The following MME variants were observed in gnomAD, a reference collection of about 807,000 sequenced individuals.
MME encodes membrane metalloendopeptidase, also known as neprilysin.
MME carries 98 observed loss-of-function variants against 113.2 expected under a neutral mutation model. That is an observed-to-expected ratio of 0.87 (90% CI 0.74 to 1.02). The LOEUF (loss-of-function observed/expected upper bound fraction) is 1.02. MME is among the 50% of genes least tolerant of loss of function. The pLI is 0.00. For missense variants in MME, 836 were observed against 896.0 expected, an observed-to-expected ratio of 0.93 and a Z score of 0.86; for synonymous variants, 292 against 300.6, an observed-to-expected ratio of 0.97 and a Z score of 0.30.
chr3:155,085,381 T>C (rs879483396), intron 3 of MME: 10 of 239,400 alleles, frequency 4.2e-5, no homozygotes, highest in Non-Finnish European at 7.2e-5. Context: ...AGAAAGAAAA[T>C]GAACACATAT....
At chr3:155,087,591 G>A (rs537494112) in intron 3 of MME, among the ~76,000 whole-genome samples, 4 of 152,034 alleles carry the variant, frequency 2.6e-5, no homozygotes, top group East Asian at 1.9e-4. Flanking sequence ...GTCCTGTTTC[G>A]GGAAACTTCC....
intron 1 of MME, among the ~76,000 whole-genome samples, chr3:155,074,045 C>CCT (rs770461077): frequency 1.4e-3 from 211 of 147,548 alleles, no homozygotes; most frequent in African/African-American, 3.9e-3. Context: ...CCTTCCTTTT[C>CCT]CTCTCTCTCT....
chr3:155,118,762 T>G lies in MME; in HGVS notation c.671T>G (p.Leu224Arg). Reference sequence around the variant, plus strand: ...TTTTTATAGATTGACCAACCTCGACTTGGCCTCCCTTCTAGAGATTACTAT... The same window carrying G: ...TTTTTATAGATTGACCAACCTCGACGTGGCCTCCCTTCTAGAGATTACTAT... Reference protein sequence around the residue: ...NHVIHIDQPRLGLPSRDYYEC... With the variant: ...NHVIHIDQPRRGLPSRDYYEC... Residue 224 changes from leucine to arginine, a missense_variant, in exon 8 of 23, where the codon CTT (leucine) becomes CGT (arginine). Coordinates refer to ENST00000360490, the MANE Select transcript of MME (RefSeq NM_007289.4). 6.2e-7 allele frequency: 1 copy of G among 1,601,254 alleles called. No individual in the cohort carries two copies. The highest frequency in any genetic ancestry group is 1.1e-5 in the South Asian group (1 of 90,262).
intron 20 of MME, among the ~76,000 whole-genome samples, chr3:155,169,239 C>G (rs1397346265): frequency 6.6e-6 from 1 of 152,152 alleles, no homozygotes; most frequent in Admixed American, 6.5e-5. Flanking sequence ...ATGTAAACCA[C>G]AGGCATATTA....
intron 1 of MME, among the ~76,000 whole-genome samples, chr3:155,070,013 A>G (rs1255774754): frequency 6.6e-6 from 1 of 152,088 alleles, no homozygotes; most frequent in Non-Finnish European, 1.5e-5. Flanking sequence ...TCTACCAATA[A>G]CCACTAGATA....
intron 3 of MME, among the ~76,000 whole-genome samples, chr3:155,096,712 G>A (rs1716773014): frequency 6.6e-6 from 1 of 152,054 alleles, no homozygotes; most frequent in Admixed American, 6.6e-5. Flanking sequence ...TGTTGTTGCT[G>A]TTGTTTGTTT....
intron 3 of MME, among the ~76,000 whole-genome samples, chr3:155,104,325 ATAGC>A (rs1384473834): frequency 3.9e-5 from 6 of 152,166 alleles, no homozygotes; most frequent in Admixed American, 1.3e-4. Flanking sequence ...ATGACAGAAA[ATAGC>A]TATTTAATCC....
chr3:155,040,951 G>A lies in MME; in HGVS notation c.-11+16627G>A, dbSNP rs950513682. On this transcript the variant is annotated intron_variant, in intron 1 of 22. Transcript: ENST00000492661. The stretch of plus-strand genomic sequence containing the variant: ...ACCATTAGAGAAAATCTGTCACTGA[G>A]ACATAAATTTCTATTACGAAGAAAG... 2.6e-5 allele frequency among the ~76,000 whole-genome samples: 4 copies of A among 152,260 alleles called. No homozygotes were observed. In the Middle Eastern group the frequency reaches 0.01, roughly 388 times the overall value.
chr3:155,097,088 G>T (rs1203441132), intron 3 of MME, among the ~76,000 whole-genome samples: 1 of 152,190 alleles, frequency 6.6e-6, no homozygotes, highest in Non-Finnish European at 1.5e-5. Flanking sequence ...TGTTCACCAA[G>T]CTAGGGAGCA....
At chr3:155,115,179 A>C in intron 4 of MME, 24 bp downstream of exon 4, 1 of 1,612,504 alleles carries the variant, frequency 6.2e-7, no homozygotes. Context: ...GTGTCTGTGC[A>C]TCAAAGATTT....
chr3:155,110,880 T>G (rs936309982), intron 3 of MME, among the ~76,000 whole-genome samples: 3 of 152,230 alleles, frequency 2.0e-5, no homozygotes, highest in African/African-American at 4.8e-5. Flanking sequence ...TAGTATATGC[T>G]CTTTCACTTT....
chr3:155,057,326 G>A (rs1713966176), intron 1 of MME, among the ~76,000 whole-genome samples: 1 of 151,930 alleles, frequency 6.6e-6, no homozygotes, highest in African/African-American at 2.4e-5. Context: ...CATTTATGCA[G>A]CCAAAAAACA....
At chr3:155,106,689 G>A in intron 3 of MME, among the ~76,000 whole-genome samples, 1 of 152,096 alleles carries the variant, frequency 6.6e-6, no homozygotes, top group South Asian at 2.1e-4. Flanking sequence ...TGGCAGCAAG[G>A]GAATAGGGTC....
intron 1 of MME, among the ~76,000 whole-genome samples, chr3:155,029,326 A>G (rs1042435127): frequency 1.3e-5 from 2 of 152,090 alleles, no homozygotes; most frequent in Non-Finnish European, 2.9e-5. Flanking sequence ...ATAACTTCTT[A>G]AAAAATTTTT....
chr3:155,179,612 G>T (rs1319445247), intron 22 of MME, among the ~76,000 whole-genome samples: 2 of 152,172 alleles, frequency 1.3e-5, no homozygotes, highest in African/African-American at 4.8e-5. Context: ...AGCAGGAGGA[G>T]AAGGGAAGGA....
intron 1 of MME, among the ~76,000 whole-genome samples, chr3:155,067,724 A>G (rs1714431350): frequency 6.6e-6 from 1 of 152,200 alleles, no homozygotes; most frequent in African/African-American, 2.4e-5. Context: ...GCAAATTAAG[A>G]CCATAATACA....
At chr3:155,079,191 G>A (rs1714897413), upstream of MME, among the ~76,000 whole-genome samples, 2 of 151,888 alleles carry the variant, frequency 1.3e-5, no homozygotes, top group African/African-American at 4.8e-5. Flanking sequence ...AAACGGGGAG[G>A]GAGAGTAAGA....
At position 155,171,445 on chromosome 3, in the gene MME, G is replaced by A. The variant is rs546815274; in HGVS notation, c.1981-672G>A. 9.9e-5 allele frequency among the ~76,000 whole-genome samples: 15 copies of A among 152,176 alleles called. 2 individuals carry two copies. The South Asian group carries it at 2.1e-3, about 21-fold the overall frequency. Reference sequence around the variant, plus strand: ...ATCTCAGAACGTTTATTATGAATTCGTTTTAAAAGTTTATTTAGTAGAGGA... The same window carrying A: ...ATCTCAGAACGTTTATTATGAATTCATTTTAAAAGTTTATTTAGTAGAGGA... On this transcript the variant is annotated intron_variant, in intron 20 of 22. Coordinates refer to ENST00000360490, the MANE Select transcript of MME (RefSeq NM_007289.4).
chr3:155,167,830 G>T (rs1711511605), intron 18 of MME, among the ~76,000 whole-genome samples: 1 of 152,114 alleles, frequency 6.6e-6, no homozygotes, highest in Non-Finnish European at 1.5e-5. Flanking sequence ...TGAAAGATTT[G>T]CCCAAAGGTA....
Sources: allele counts gnomAD v4.1 joint callset (sites outside exome capture counted in the v4.1 genomes callset), GRCh38; gene constraint gnomAD v4.1.1; transcripts MANE v1.5; gene names NCBI Gene and HGNC (gene_info 2026-07-23, HGNC 2026-07-21).